Variants in BLNK observed in about 807,000 individuals in gnomAD.
BLNK encodes the protein B-cell linker protein.
Under a neutral mutation model 73.5 loss-of-function variants are expected in BLNK, and 29 were observed. The observed-to-expected ratio is 0.39, with a 90% CI of 0.29 to 0.54. BLNK has a LOEUF of 0.54. BLNK is among the 20% of genes least tolerant of loss of function. The probability of loss-of-function intolerance (pLI) is 0.61; values close to 1 mark genes in which losing one functional copy is unlikely to be tolerated. For synonymous variants in BLNK, 176 were observed against 200.8 expected (o/e 0.88, Z 1.04); for missense variants, 460 against 562.8 (o/e 0.82, Z 1.85).
chr10:96,249,009 C>T (rs1489507494), intron 1 of BLNK, among the ~76,000 whole-genome samples: 1 of 152,116 alleles, frequency 6.6e-6, no homozygotes, highest in African/African-American at 2.4e-5. Context: ...AATTTTCTGA[C>T]TTAAAAAATG....
chr10:96,201,165 A>C, intron 13 of BLNK, 107 bp from the exon 14 acceptor site: 1 of 1,010,384 alleles, frequency 9.9e-7, no homozygotes, highest in Non-Finnish European at 1.5e-6. Context: ...ACATCCACCA[A>C]AAAAAATCCT....
At chr10:96,217,993 T>C (rs1269365115) in intron 6 of BLNK, among the ~76,000 whole-genome samples, 2 of 152,226 alleles carry the variant, frequency 1.3e-5, no homozygotes, top group Non-Finnish European at 2.9e-5. Flanking sequence ...AGATTAGAAG[T>C]CCAGTTTCAT....
intron 5 of BLNK, among the ~76,000 whole-genome samples, chr10:96,226,937 T>A (rs1410935377): frequency 6.6e-6 from 1 of 152,042 alleles, no homozygotes; most frequent in African/African-American, 2.4e-5. Context: ...CTGTATCCCC[T>A]GGTAAAACCG....
chr10:96,196,252 A>G (rs1258760940), intron 16 of BLNK, among the ~76,000 whole-genome samples: 2 of 152,340 alleles, frequency 1.3e-5, no homozygotes, highest in South Asian at 4.1e-4. Flanking sequence ...CAAAACCAGA[A>G]TAAGTATCAC....
At chr10:96,204,415 G>T in intron 12 of BLNK, 117 bp downstream of exon 12, 1 of 1,197,142 alleles carries the variant, frequency 8.4e-7, no homozygotes, top group Non-Finnish European at 1.2e-6. Flanking sequence ...GCAAAACAAT[G>T]AAATGTTGGA....
intron 1 of BLNK, among the ~76,000 whole-genome samples, chr10:96,254,541 G>A (rs782207981): frequency 5.3e-5 from 8 of 150,598 alleles, no homozygotes; most frequent in South Asian, 4.2e-4. Context: ...ATGAAGTCTC[G>A]CTCTTGTCCC....
At chr10:96,236,739 T>A (rs1842703649) in intron 3 of BLNK, among the ~76,000 whole-genome samples, 1 of 152,078 alleles carries the variant, frequency 6.6e-6, no homozygotes, top group Non-Finnish European at 1.5e-5. Context: ...AGCAGGAGGA[T>A]CACTTGAGCC....
In BLNK at chr10:96,189,305, T is replaced by C. The variant is rs587732424; in HGVS notation, c.*2668A>G. ...ATAGAAAGGACAGCCAGATATTGACTGTTAGAGAAATGAAATAAGATGGAA... is the reference window on the plus strand; with the variant it reads ...ATAGAAAGGACAGCCAGATATTGACCGTTAGAGAAATGAAATAAGATGGAA... On this transcript the variant is annotated 3_prime_UTR_variant, in exon 17 of 17. Transcript: ENST00000224337. 1.3e-5 allele frequency: 6 copies of C among 475,318 alleles called. No individual in the cohort carries two copies. The Admixed American group carries it at 1.3e-4, about 10-fold the overall frequency. 29.4% of individuals were successfully genotyped at this position (475,318 alleles called of 1,614,324 possible).
intron 1 of BLNK, among the ~76,000 whole-genome samples, chr10:96,256,250 T>C (rs1554911105): frequency 6.6e-6 from 1 of 152,224 alleles, no homozygotes; most frequent in Non-Finnish European, 1.5e-5. Flanking sequence ...TTTATATGTT[T>C]CTAAAATCAA....
chr10:96,196,844 A>G (rs2083479501), intron 16 of BLNK, 64 bp downstream of exon 16: 1 of 1,450,742 alleles, frequency 6.9e-7, no homozygotes, highest in Non-Finnish European at 9.7e-7. Flanking sequence ...CATCTAATAC[A>G]GTATTTGATG....
At chr10:96,244,395 A>T (rs1466981709) in intron 2 of BLNK, among the ~76,000 whole-genome samples, 3 of 152,244 alleles carry the variant, frequency 2.0e-5, no homozygotes, top group Non-Finnish European at 4.4e-5. Context: ...TAATCTCAGA[A>T]TAAAGGAAAA....
At position 96,189,612 on chromosome 10, in the gene BLNK, C is replaced by T. The variant is rs1481210897; in HGVS notation, c.*2361G>A. On this transcript the variant is annotated 3_prime_UTR_variant, in exon 17 of 17. Coordinates refer to ENST00000224337, the MANE Select transcript of BLNK (RefSeq NM_013314.4). The stretch of plus-strand genomic sequence containing the variant: ...TGTTGATGATGGGTTTGAGTGTTTT[C>T]TATTCTGATTTGACTTTTGTGCATT... 1.4e-6 allele frequency: 1 copy of T among 698,484 alleles called. No homozygotes were observed. Among genetic ancestry groups the T allele is most frequent in the Non-Finnish European group, 2.7e-6 (1 of 375,254 alleles). 43.3% of individuals were successfully genotyped at this position (698,484 alleles called of 1,614,324 possible).
chr10:96,195,197 C>G (rs1404646312), intron 16 of BLNK, among the ~76,000 whole-genome samples: 9 of 152,166 alleles, frequency 5.9e-5, no homozygotes, highest in African/African-American at 1.9e-4. Flanking sequence ...GTTAAACCCT[C>G]GTGTGCTGTT....
chr10:96,206,917 TG>T, intron 11 of BLNK, 93 bp downstream of exon 11: 1 of 1,342,058 alleles, frequency 7.5e-7, no homozygotes, highest in Non-Finnish European at 1.1e-6. Context: ...TGTTTACAAT[TG>T]CCCCAAAAAT....
At chr10:96,262,001 G>A (rs1204945623) in intron 1 of BLNK, among the ~76,000 whole-genome samples, 4 of 152,166 alleles carry the variant, frequency 2.6e-5, no homozygotes, top group Non-Finnish European at 5.9e-5. Context: ...AGCACCCTTG[G>A]TCATAGCCTC....
intron 1 of BLNK, 90 bp from the exon 2 acceptor site, chr10:96,247,139 G>GA (rs1242058112): frequency 9.0e-6 from 8 of 884,514 alleles, no homozygotes; most frequent in South Asian, 6.6e-5. Flanking sequence ...CAAAAAAGGG[G>GA]AAAAAACTCT....
chr10:96,221,816 G>A (rs2134015227), intron 6 of BLNK, among the ~76,000 whole-genome samples: 1 of 152,288 alleles, frequency 6.6e-6, no homozygotes, highest in East Asian at 1.9e-4. Flanking sequence ...CCCTTGAAAG[G>A]ACAACATCGC....
chr10:96,191,825 T>C lies in BLNK; in HGVS notation c.*148A>G. The C allele has an allele frequency of 6.6e-6, 7 of 1,064,360 alleles. No homozygotes were observed. The highest frequency in any genetic ancestry group is 9.8e-6 in the Non-Finnish European group (7 of 713,284). 65.9% of individuals were successfully genotyped at this position (1,064,360 alleles called of 1,614,324 possible). ...TCCACATGAGCTTCTTAAAAAGAAA[T>C]GGATGACCACTTCAATAGCTGACTC... On this transcript the variant is annotated 3_prime_UTR_variant, in exon 17 of 17. Transcript: ENST00000224337.
chr10:96,268,205 A>C (rs2134157506), intron 1 of BLNK, among the ~76,000 whole-genome samples: 1 of 152,352 alleles, frequency 6.6e-6, no homozygotes, highest in Middle Eastern at 3.4e-3. Flanking sequence ...CAGATGATGA[A>C]TCAATTGGGA....
Sources: allele counts gnomAD v4.1 joint callset (sites outside exome capture counted in the v4.1 genomes callset), GRCh38; gene constraint gnomAD v4.1.1; transcripts MANE v1.5; gene names NCBI Gene and HGNC (gene_info 2026-07-23, HGNC 2026-07-21).